Variants in SMAD6 observed in about 807,000 individuals in gnomAD.
SMAD6 encodes the protein SMAD family member 6, also known as MAD homolog 6.
In SMAD6, 103 loss-of-function variants were observed where a neutral mutation model predicts 39.4. The observed-to-expected ratio is 2.62, with a 90% CI of 2.23 to 3.08. The LOEUF (loss-of-function observed/expected upper bound fraction) is 3.08. Ranked by LOEUF, SMAD6 falls within the 30% of genes most tolerant of loss-of-function variation. The pLI is 0.00. For synonymous variants in SMAD6, 445 were observed against 353.3 expected, an observed-to-expected ratio of 1.26 and a Z score of -2.91; for missense variants, 1,104 against 742.9, an observed-to-expected ratio of 1.49 and a Z score of -5.65.
chr15:66,746,157 G>A (rs907801554), intron 3 of SMAD6, among the ~76,000 whole-genome samples: 4 of 152,212 alleles, frequency 2.6e-5, no homozygotes, highest in African/African-American at 9.6e-5. Context: ...CAAGCCCTCC[G>A]ATACAGGTGA....
In SMAD6 at chr15:66,703,896, T is replaced by C; in HGVS notation, c.638T>C (p.Leu213Pro). The part of the protein sequence containing the change: ...GGCVLVPRAD[L>P]RLGGQPAPPQ... Reference sequence around the variant, plus strand: ...TGCGTGCTGGTGCCGCGCGCCGACCTCCGCCTGGGCGGCCAGCCCGCGCCG... The same window carrying C: ...TGCGTGCTGGTGCCGCGCGCCGACCCCCGCCTGGGCGGCCAGCCCGCGCCG... Residue 213 changes from leucine (L) to proline (P), a missense_variant, in exon 1 of 4, where the codon CTC becomes CCC. By Grantham distance (98) the Leu-to-Pro change is moderately conservative. Coordinates refer to ENST00000288840, the MANE Select transcript of SMAD6 (RefSeq NM_005585.5). The C allele has an allele frequency of 7.8e-7, 1 of 1,289,990 alleles. No homozygotes were observed. The allele number at this position is 1,289,990 out of a possible 1,614,324, so 79.9% of individuals were successfully genotyped here. A position where few individuals can be genotyped will look rare whatever the true frequency, so the allele number is the denominator to read the frequency against.
chr15:66,751,284 C>T (rs75819426), intron 3 of SMAD6, among the ~76,000 whole-genome samples: 1 of 152,172 alleles, frequency 6.6e-6, no homozygotes, highest in Non-Finnish European at 1.5e-5. Context: ...AGTCCCAGCT[C>T]GGCCTCTTGG....
intron 3 of SMAD6, among the ~76,000 whole-genome samples, chr15:66,729,396 C>T (rs1430596758): frequency 6.6e-6 from 1 of 152,216 alleles, no homozygotes; most frequent in African/African-American, 2.4e-5. Flanking sequence ...TAAACTGGGC[C>T]TTTCACCGGT....
At chr15:66,708,143 C>G (rs1442953355) in intron 1 of SMAD6, 1 of 152,442 alleles carries the variant, frequency 6.6e-6, no homozygotes, top group Admixed American at 6.5e-5. Context: ...GTCTTTCTGT[C>G]TCCCTCTCTT....
chr15:66,742,357 AACAG>A (rs61180547), intron 3 of SMAD6, among the ~76,000 whole-genome samples: 43,625 of 151,732 alleles, frequency 0.29, 6,567 homozygotes, highest in East Asian at 0.43. Context: ...CTTCACCCCT[AACAG>A]ACAGGCCTCT....
At chr15:66,717,240 G>T in intron 3 of SMAD6, 4 of 768,574 alleles carry the variant, frequency 5.2e-6, no homozygotes, top group Non-Finnish European at 7.8e-6. Context: ...ATGCTGGCTG[G>T]GACTGACAGC....
chr15:66,743,276 A>AC (rs35556406), intron 3 of SMAD6, among the ~76,000 whole-genome samples: 2 of 151,878 alleles, frequency 1.3e-5, no homozygotes, highest in South Asian at 2.1e-4. Flanking sequence ...CTCCCAGGGC[A>AC]CCCCCCAATA....
At chr15:66,745,709 C>G (rs1283248473) in intron 3 of SMAD6, among the ~76,000 whole-genome samples, 1 of 152,224 alleles carries the variant, frequency 6.6e-6, no homozygotes, top group Non-Finnish European at 1.5e-5. Flanking sequence ...TCAGGCTCCC[C>G]CCCAAGCTCT....
rs1321822146 is a variant in SMAD6, at chr15:66,703,714, G to C, written c.456G>C (p.Pro152=). The part of the protein sequence containing the change: ...SDPLAGAALE[P]AGGGRSREAR... Reference sequence around the variant, plus strand: ...CCCTGGCCGGGGCGGCCCTGGAGCCGGCGGGCGGCGGGCGGAGTCGCGAAG... The same window carrying C: ...CCCTGGCCGGGGCGGCCCTGGAGCCCGCGGGCGGCGGGCGGAGTCGCGAAG... The change falls in exon 1 of 4, where the codon CCG becomes CCC. Residue 152 remains proline (P), a synonymous_variant. Transcript: ENST00000288840. The C allele has an allele frequency of 7.5e-7, 1 of 1,339,454 alleles. No individual in the cohort carries two copies. The highest frequency in any genetic ancestry group is 1.8e-5 in the South Asian group (1 of 54,234). 83.0% of individuals were successfully genotyped at this position (1,339,454 alleles called of 1,614,324 possible).
chr15:66,715,600 C>T (rs1893312944), intron 2 of SMAD6, among the ~76,000 whole-genome samples: 1 of 152,022 alleles, frequency 6.6e-6, no homozygotes, highest in Non-Finnish European at 1.5e-5. Context: ...AGGCACAGGC[C>T]CAGGAAAAAT....
intron 1 of SMAD6, among the ~76,000 whole-genome samples, chr15:66,709,514 C>T (rs1893186459): frequency 6.6e-6 from 1 of 152,204 alleles, no homozygotes; most frequent in Non-Finnish European, 1.5e-5. Flanking sequence ...AGAGGCTTGA[C>T]TCCAGCCACT....
Position 66,773,133 on chromosome 15 carries a change from G to A in SMAD6, c.953-7864G>A, listed in dbSNP as rs549973904. Among the ~76,000 whole-genome samples the A allele has an allele frequency of 1.9e-4, 28 of 148,280 alleles. 1 individual carries two copies. The South Asian group carries it at 6.2e-3, about 33-fold the overall frequency. On this transcript the variant is annotated intron_variant, in intron 3 of 3. Coordinates refer to ENST00000288840, the MANE Select transcript of SMAD6 (RefSeq NM_005585.5). Reference sequence around the variant, plus strand: ...GGCTGCGGTGGTGGCCAGACCGCCCGTGATGTAATGACCGATTAGGAACTT... The same window carrying A: ...GGCTGCGGTGGTGGCCAGACCGCCCATGATGTAATGACCGATTAGGAACTT...
intron 3 of SMAD6, among the ~76,000 whole-genome samples, chr15:66,746,335 G>A (rs1434236664): frequency 1.3e-5 from 2 of 152,190 alleles, no homozygotes; most frequent in African/African-American, 2.4e-5. Flanking sequence ...CCTCCCTCCT[G>A]TGGGGCATGT....
intron 3 of SMAD6, among the ~76,000 whole-genome samples, chr15:66,773,499 T>A (rs1389954397): frequency 6.6e-6 from 1 of 152,174 alleles, no homozygotes; most frequent in Non-Finnish European, 1.5e-5. Context: ...GAGAGTTAAG[T>A]GGAAACTCCT....
Position 66,702,539 on chromosome 15 carries a change from C to T in SMAD6, c.-720C>T, listed in dbSNP as rs1892994145. 1 of 152,582 alleles carries T rather than the reference C, an allele frequency of 6.6e-6. No homozygotes were observed. The highest frequency in any genetic ancestry group is 2.4e-5 in the African/African-American group (1 of 41,434). The allele number at this position is 152,582 out of a possible 1,614,324, so 9.5% of individuals were successfully genotyped here. ...TGGACTGCATTTTTAATTAAGGATT[C>T]CCAGCAGCTCTTTGGGATTTTTACA... is the stretch of plus-strand genomic sequence containing the variant. On this transcript the variant is annotated 5_prime_UTR_variant, in exon 1 of 4. Coordinates refer to ENST00000288840, the MANE Select transcript of SMAD6 (RefSeq NM_005585.5).
intron 3 of SMAD6, among the ~76,000 whole-genome samples, chr15:66,756,190 C>T (rs186079307): frequency 2.6e-5 from 4 of 152,038 alleles, no homozygotes; most frequent in Admixed American, 2.6e-4. Context: ...ATTGTGGGTA[C>T]GTGGAAGCTA....
intron 3 of SMAD6, among the ~76,000 whole-genome samples, chr15:66,760,314 G>A (rs1894176054): frequency 6.6e-6 from 1 of 152,166 alleles, no homozygotes; most frequent in Non-Finnish European, 1.5e-5. Flanking sequence ...CCCATCATGG[G>A]TGCTAGGCAG....
chr15:66,780,613 T>C lies in SMAD6; in HGVS notation c.953-384T>C, dbSNP rs187889302. 2.8e-3 allele frequency among the ~76,000 whole-genome samples: 423 copies of C among 152,324 alleles called. 4 individuals carry two copies. Among genetic ancestry groups the C allele is most frequent in the African/African-American group, 9.7e-3 (403 of 41,552 alleles). ...ACAGTGCTCCACGCCGGGTCCGTGA[T>C]GGTTGCTCCACAGTCAGCCCCTCCT... On this transcript the variant is annotated intron_variant, in intron 3 of 3. Coordinates refer to ENST00000288840, the MANE Select transcript of SMAD6 (RefSeq NM_005585.5).
intron 1 of SMAD6, chr15:66,708,610 A>G (rs1372301843): frequency 4.7e-6 from 2 of 421,280 alleles, no homozygotes; most frequent in Non-Finnish European, 1.0e-5. Flanking sequence ...GAAGTCCAGC[A>G]CCAAAACGTG....
Sources: gnomAD v4.1 joint callset for allele counts (sites outside exome capture counted in the v4.1 genomes callset) on GRCh38, gnomAD v4.1.1 for gene constraint, MANE v1.5 for transcripts, NCBI Gene and HGNC (gene_info 2026-07-23, HGNC 2026-07-21) for gene names.